The following PRKAA1 variants were observed in gnomAD, a reference collection of about 807,000 sequenced individuals.
The protein encoded by PRKAA1 is 5'-AMP-activated protein kinase catalytic subunit alpha-1.
A neutral mutation model predicts 56.9 loss-of-function variants in PRKAA1; 23 were observed. The ratio of observed to expected loss-of-function variants is 0.40; its 90% CI spans 0.29 to 0.57. The LOEUF is 0.57. Among genes scored for constraint, PRKAA1 ranks in the 20% least tolerant of loss-of-function variants. The pLI, the probability that PRKAA1 is intolerant of heterozygous loss-of-function variation, is 0.39. For missense variants in PRKAA1, 413 were observed against 679.7 expected (o/e 0.61, Z 4.36); for synonymous variants, 226 against 227.0 (o/e 1.00, Z 0.04).
intron 2 of PRKAA1, among the ~76,000 whole-genome samples, chr5:40,776,442 A>G (rs1023489742): frequency 2.0e-5 from 3 of 152,214 alleles, no homozygotes; most frequent in Non-Finnish European, 2.9e-5. Context: ...CAGTGAGCAA[A>G]TAAGTCTGGT....
At chr5:40,767,945 G>T (rs1278714595) in intron 5 of PRKAA1, among the ~76,000 whole-genome samples, 1 of 152,130 alleles carries the variant, frequency 6.6e-6, no homozygotes, top group African/African-American at 2.4e-5. Context: ...TGACAATAGG[G>T]CCAAATCTTG....
At position 40,777,496 on chromosome 5, in the gene PRKAA1, C is replaced by T. The variant is rs764113006; in HGVS notation, c.218G>A (p.Arg73His). The part of the protein sequence containing the change: ...IRSLDVVGKI[R>H]REIQNLKLFR... ...AAGCTTGAGGTTCTGAATTTCTCTG[C>T]GGATTTTTCCTACCACATCAAGGCT... The change falls in exon 2 of 9, where the codon CGC (arginine) becomes CAC (histidine). Residue 73 changes from arginine (R) to histidine (H), a missense_variant. Transcript: ENST00000397128. 10 of 1,613,586 alleles carry T rather than the reference C, an allele frequency of 6.2e-6. No homozygotes were observed. The highest frequency in any genetic ancestry group is 7.6e-6 in the Non-Finnish European group (9 of 1,179,558).
intron 1 of PRKAA1, among the ~76,000 whole-genome samples, chr5:40,780,129 C>T (rs975778568): frequency 3.9e-5 from 6 of 152,128 alleles, no homozygotes; most frequent in Non-Finnish European, 7.3e-5. Context: ...TAGACTAGAG[C>T]GGTTGTGGTC....
chr5:40,767,294 C>T (rs940196071), intron 6 of PRKAA1, among the ~76,000 whole-genome samples, 172 bp downstream of exon 6: 2 of 152,088 alleles, frequency 1.3e-5, no homozygotes, highest in East Asian at 3.8e-4. Flanking sequence ...CTAAGGTAAC[C>T]AGTTTACTAT....
chr5:40,792,945 T>C (rs1407965343), intron 1 of PRKAA1, among the ~76,000 whole-genome samples: 1 of 151,238 alleles, frequency 6.6e-6, no homozygotes, highest in African/African-American at 2.4e-5. Flanking sequence ...TGGGCGCCTA[T>C]AATCCCAGCC....
rs837103 is a variant in PRKAA1, at chr5:40,771,969, C to A, written c.364-106G>T. ...TTGTCAAAATACATGAAAATCTTCCCAATGAACTTCACTTATGAGATACTT... is the reference window on the plus strand; with the variant it reads ...TTGTCAAAATACATGAAAATCTTCCAAATGAACTTCACTTATGAGATACTT... On this transcript the variant is annotated intron_variant, in intron 3 of 8. Coordinates refer to ENST00000397128, the MANE Select transcript of PRKAA1 (RefSeq NM_006251.6). The A allele has an allele frequency of 8.3e-4, 1,117 of 1,338,676 alleles. 8 individuals carry two copies. The African/African-American group carries it at 0.015, about 18-fold the overall frequency. The allele number at this position is 1,338,676 out of a possible 1,614,324, so 82.9% of individuals were successfully genotyped here.
chr5:40,798,130 C>T lies in PRKAA1; in HGVS notation c.60G>A (p.Gly20=). 6.2e-7 allele frequency: 1 copy of T among 1,607,364 alleles called. No homozygotes were observed. Among genetic ancestry groups the T allele is most frequent in the Non-Finnish European group, 8.5e-7 (1 of 1,176,310 alleles). ...MATAEKQKHD[G]RVKIGHYILG... is the part of the protein sequence containing the mutation. The stretch of plus-strand genomic sequence containing the variant: ...GAATGTAGTGGCCGATCTTCACCCG[C>T]CCGTCGTGTTTCTGCTTCTCGGCTG... Residue 20 remains glycine (G), a synonymous_variant, in exon 1 of 9, where the codon GGG becomes GGA. Coordinates refer to ENST00000397128, the MANE Select transcript of PRKAA1 (RefSeq NM_006251.6).
intron 1 of PRKAA1, among the ~76,000 whole-genome samples, chr5:40,795,635 G>C (rs1164636356): frequency 1.3e-5 from 2 of 152,132 alleles, no homozygotes; most frequent in Non-Finnish European, 2.9e-5. Context: ...CTTATCTGTG[G>C]AAAGAGAACC....
At chr5:40,771,642 G>T in intron 4 of PRKAA1, 77 bp downstream of exon 4, 1 of 1,408,138 alleles carries the variant, frequency 7.1e-7, no homozygotes, top group Non-Finnish European at 9.7e-7. Flanking sequence ...ACAGTTATCT[G>T]AAGAATTCTA....
chr5:40,798,336 G>T lies in PRKAA1; in HGVS notation c.-147C>A, dbSNP rs928856266. ...CCCGCAGCCTACGTCGGGCGCAGAC[G>T]CTCCCCCTGGCGGGGCGGGCGGGGG... On this transcript the variant is annotated 5_prime_UTR_variant, in exon 1 of 9. Coordinates refer to ENST00000397128, the MANE Select transcript of PRKAA1 (RefSeq NM_006251.6). 7.8e-6 allele frequency: 3 copies of T among 382,570 alleles called. No individual in the cohort carries two copies. The highest frequency in any genetic ancestry group is 1.3e-5 in the Non-Finnish European group (3 of 229,640). The allele number at this position is 382,570 out of a possible 1,614,324, so 23.7% of individuals were successfully genotyped here. A position where few individuals can be genotyped will look rare whatever the true frequency, so the allele number is the denominator to read the frequency against.
intron 1 of PRKAA1, among the ~76,000 whole-genome samples, chr5:40,796,770 A>C (rs1744944072): frequency 6.6e-6 from 1 of 152,212 alleles, no homozygotes; most frequent in African/African-American, 2.4e-5. Flanking sequence ...TAAAATCAGA[A>C]ACTGTTTATT....
At chr5:40,788,425 C>T (rs1251230957) in intron 1 of PRKAA1, among the ~76,000 whole-genome samples, 3 of 152,096 alleles carry the variant, frequency 2.0e-5, no homozygotes, top group East Asian at 3.8e-4. Context: ...AAAACTTAGG[C>T]GAGAAGCTCC....
chr5:40,794,191 GGAGT>G (rs1424696240), intron 1 of PRKAA1, among the ~76,000 whole-genome samples: 2 of 152,074 alleles, frequency 1.3e-5, no homozygotes, highest in Non-Finnish European at 2.9e-5. Context: ...CATTCTTGCA[GGAGT>G]GAGGTGGTAT....
chr5:40,774,980 CA>C, intron 3 of PRKAA1: 4 of 1,592,108 alleles, frequency 2.5e-6, no homozygotes, highest in Non-Finnish European at 3.4e-6. Flanking sequence ...TTTCTGAAAC[CA>C]AAAAATGAAT....
In PRKAA1 at chr5:40,761,553, G is replaced by C. The variant is rs909225382; in HGVS notation, c.*1225C>G. On this transcript the variant is annotated 3_prime_UTR_variant, in exon 9 of 9. Transcript: ENST00000397128. ...GAATCTAAATGGTAGATATACATGT[G>C]CTTACCAAACAGTTTTTCAATTTTT... 6.6e-6 allele frequency: 1 copy of C among 152,078 alleles called. No homozygotes were observed. Among genetic ancestry groups the C allele is most frequent in the Non-Finnish European group, 1.5e-5 (1 of 67,992 alleles). The allele number at this position is 152,078 out of a possible 1,614,324, so 9.4% of individuals were successfully genotyped here.
Position 40,764,526 on chromosome 5 carries a change from G to C in PRKAA1, c.1423C>G (p.Arg475Gly). Residue 475 changes from arginine to glycine, a missense_variant, in exon 8 of 9, where the codon CGT becomes GGT. By Grantham distance (125) the Arg-to-Gly change is moderately radical. Coordinates refer to ENST00000397128, the MANE Select transcript of PRKAA1 (RefSeq NM_006251.6). ...GTGATGTACATACCATCAATACTAC[G>C]GAAATCCAGTAGATAAGTTCTACTA... ...VDSRTYLLDF[R>G]SIDDEITEAK... The C allele has an allele frequency of 6.2e-7, 1 of 1,611,482 alleles. No individual in the cohort carries two copies. The highest frequency in any genetic ancestry group is 8.5e-7 in the Non-Finnish European group (1 of 1,178,964).
chr5:40,788,798 G>A (rs1744601251), intron 1 of PRKAA1, among the ~76,000 whole-genome samples: 1 of 152,040 alleles, frequency 6.6e-6, no homozygotes. Context: ...TTGCACTCCA[G>A]CCTGGGTGAC....
At chr5:40,773,600 C>A (rs1284408071) in intron 3 of PRKAA1, among the ~76,000 whole-genome samples, 7 of 152,094 alleles carry the variant, frequency 4.6e-5, no homozygotes, top group Admixed American at 4.6e-4. Context: ...CCAAGGATGA[C>A]AATAGATAAA....
chr5:40,767,837 C>A, intron 5 of PRKAA1, 147 bp from the exon 6 acceptor site: 1 of 685,298 alleles, frequency 1.5e-6, no homozygotes, highest in Non-Finnish European at 2.4e-6. Context: ...ACGTTAATTC[C>A]ATCAGTATTA....
Sources: gnomAD v4.1 joint callset for allele counts (sites outside exome capture counted in the v4.1 genomes callset) on GRCh38, gnomAD v4.1.1 for gene constraint, MANE v1.5 for transcripts, NCBI Gene and HGNC (gene_info 2026-07-23, HGNC 2026-07-21) for gene names.